ZC3H12B: variants seen among roughly 807,000 people sequenced by gnomAD.
ZC3H12B encodes the protein zinc finger CCCH-type containing 12B.
A neutral mutation model predicts 43.9 loss-of-function variants in ZC3H12B; 7 were observed. The ratio of observed to expected loss-of-function variants is 0.16; its 90% confidence interval spans 0.09 to 0.30. The LOEUF is 0.30. Ranked by LOEUF, ZC3H12B falls within the 10% of genes least tolerant of loss-of-function variation. The pLI is 1.00. For missense variants in ZC3H12B, 475 were observed against 670.2 expected, an observed-to-expected ratio of 0.71 and a Z score of 3.22; for synonymous variants, 222 against 241.7, an observed-to-expected ratio of 0.92 and a Z score of 0.76.
At chrX:65,153,067 T>G in the ZC3H12B span, among the ~76,000 whole-genome samples, 1 of 111,790 alleles carries the variant, frequency 8.9e-6, no homozygotes. Context: ...CCTTACACCT[T>G]ATACAAAAAT....
chrX:65,353,467 G>A, the ZC3H12B span, among the ~76,000 whole-genome samples: 3 of 112,081 alleles, frequency 2.7e-5, no homozygotes, highest in Admixed American at 2.8e-4. Flanking sequence ...TAAACTTAAT[G>A]AGGAAGGCAT....
chrX:65,086,238 A>G, the ZC3H12B span, among the ~76,000 whole-genome samples: 3 of 111,556 alleles, frequency 2.7e-5, no homozygotes, highest in African/African-American at 9.7e-5. Context: ...ATTAAAAACC[A>G]TGAATTCTAA....
the ZC3H12B span, among the ~76,000 whole-genome samples, chrX:65,284,969 C>T: frequency 9.0e-6 from 1 of 111,147 alleles, no homozygotes; most frequent in East Asian, 2.8e-4. Context: ...ATGAGCAAAT[C>T]TTTCATGACT....
At chrX:65,078,751 ATAG>A in the ZC3H12B span, among the ~76,000 whole-genome samples, 5 of 111,430 alleles carry the variant, frequency 4.5e-5, no homozygotes, top group African/African-American at 1.6e-4. Flanking sequence ...TTGTGGGTAC[ATAG>A]TAGGTGTATA....
upstream of ZC3H12B, among the ~76,000 whole-genome samples, chrX:65,364,229 C>A (rs1459926184): frequency 9.0e-6 from 1 of 110,736 alleles, no homozygotes; most frequent in Non-Finnish European, 1.9e-5. Context: ...ATTGCCTTAA[C>A]TCGAGCCCTC....
chrX:65,403,582 A>G (rs987766047), intron 3 of ZC3H12B, among the ~76,000 whole-genome samples: 4 of 112,153 alleles, frequency 3.6e-5, no homozygotes, highest in Non-Finnish European at 7.5e-5. Context: ...GCAGCAAGAA[A>G]AAAGACACAA....
At chrX:65,111,286 T>C in the ZC3H12B span, among the ~76,000 whole-genome samples, 2 of 111,636 alleles carry the variant, frequency 1.8e-5, no homozygotes, top group African/African-American at 6.5e-5. Context: ...AGTAAGAGCA[T>C]ACATCCTTGC....
the ZC3H12B span, among the ~76,000 whole-genome samples, chrX:65,297,541 A>C: frequency 4.5e-4 from 50 of 112,046 alleles, no homozygotes; most frequent in African/African-American, 1.6e-3. Flanking sequence ...ATGGATGGCT[A>C]GAATCAATAT....
At chrX:65,379,850 G>T (rs2066410389) in intron 2 of ZC3H12B, among the ~76,000 whole-genome samples, 1 of 111,903 alleles carries the variant, frequency 8.9e-6, no homozygotes, top group African/African-American at 3.2e-5. Flanking sequence ...TGGAAGAAAG[G>T]GTGTCAACGA....
At chrX:65,439,840 G>T (rs1174632985) in intron 3 of ZC3H12B, among the ~76,000 whole-genome samples, 1 of 110,354 alleles carries the variant, frequency 9.1e-6, no homozygotes, top group African/African-American at 3.3e-5. Context: ...GACAGTTGGG[G>T]TCCTCCTCAG....
chrX:65,112,914 T>G, the ZC3H12B span, among the ~76,000 whole-genome samples: 1 of 112,225 alleles, frequency 8.9e-6, no homozygotes, highest in Non-Finnish European at 1.9e-5. Flanking sequence ...AGGCTCTAGC[T>G]GCCAGAGATA....
chrX:65,193,712 A>G, the ZC3H12B span, among the ~76,000 whole-genome samples: 1 of 111,670 alleles, frequency 9.0e-6, no homozygotes, highest in African/African-American at 3.3e-5. Context: ...TTTAAGATGA[A>G]TCATTAAGTG....
At chrX:65,168,100 C>A in the ZC3H12B span, among the ~76,000 whole-genome samples, 1 of 111,673 alleles carries the variant, frequency 9.0e-6, no homozygotes, top group Admixed American at 9.6e-5. Context: ...GAGAGGACAT[C>A]CCTGTCTTGT....
intron 3 of ZC3H12B, among the ~76,000 whole-genome samples, chrX:65,423,754 C>T: frequency 9.0e-6 from 1 of 111,246 alleles, no homozygotes; most frequent in Middle Eastern, 4.6e-3. Flanking sequence ...GGATATTAGC[C>T]CTTTGCCAGA....
the ZC3H12B span, among the ~76,000 whole-genome samples, chrX:65,306,524 T>C: frequency 2.7e-5 from 3 of 110,704 alleles, no homozygotes; most frequent in Non-Finnish European, 3.8e-5. Flanking sequence ...AGGCACACGC[T>C]GCCACGCCCA....
chrX:65,223,213 T>C, the ZC3H12B span, among the ~76,000 whole-genome samples: 1 of 111,061 alleles, frequency 9.0e-6, no homozygotes, highest in East Asian at 2.8e-4. Context: ...TCCTAATCTC[T>C]CAATTTATAC....
the ZC3H12B span, among the ~76,000 whole-genome samples, chrX:65,255,109 G>C: frequency 3.5e-3 from 393 of 112,013 alleles, no homozygotes; most frequent in Non-Finnish European, 5.8e-3. Flanking sequence ...TGAAGAGAGA[G>C]AGAGAAATCA....
At chrX:65,114,638 C>T in the ZC3H12B span, among the ~76,000 whole-genome samples, 1 of 110,395 alleles carries the variant, frequency 9.1e-6, no homozygotes, top group African/African-American at 3.3e-5. Context: ...TTTCTTTGTC[C>T]ATCTTGATTG....
At chrX:65,254,069 C>T in the ZC3H12B span, among the ~76,000 whole-genome samples, 1 of 112,110 alleles carries the variant, frequency 8.9e-6, no homozygotes, top group African/African-American at 3.2e-5. Context: ...CCAGCTCCAC[C>T]GTGCACTGCC....
Sources: allele counts gnomAD v4.1 joint callset (sites outside exome capture counted in the v4.1 genomes callset), GRCh38; gene constraint gnomAD v4.1.1; transcripts MANE v1.5; gene names NCBI Gene and HGNC (gene_info 2026-07-23, HGNC 2026-07-21).